ACOXL: variants seen among roughly 807,000 people sequenced by gnomAD.
ACOXL encodes the protein acyl-CoA oxidase like.
A neutral mutation model predicts 71.9 loss-of-function variants in ACOXL; 70 were observed. The ratio of observed to expected loss-of-function variants is 0.97; its 90% CI spans 0.80 to 1.19. ACOXL has a LOEUF of 1.19. ACOXL is among the 50% of genes most tolerant of loss of function. The pLI, the probability that ACOXL is intolerant of heterozygous loss-of-function variation, is 0.00. For synonymous variants in ACOXL, 253 were observed against 281.6 expected, an observed-to-expected ratio of 0.90 and a Z score of 1.02; for missense variants, 703 against 736.3, an observed-to-expected ratio of 0.95 and a Z score of 0.52.
chr2:110,865,166 G>A (rs898734853), intron 10 of ACOXL, among the ~76,000 whole-genome samples: 2 of 152,174 alleles, frequency 1.3e-5, no homozygotes, highest in Admixed American at 1.3e-4. Flanking sequence ...TATCAATATC[G>A]AAAAGCCTAA....
Position 111,006,815 on chromosome 2 carries a change from T to TC in ACOXL, c.1281+10814dup, listed in dbSNP as rs796180162. 1.2e-4 allele frequency among the ~76,000 whole-genome samples: 18 copies of TC among 152,254 alleles called. 1 individual carries two copies. The highest frequency in any genetic ancestry group is 4.3e-4 in the African/African-American group (18 of 41,556). ...TTCAAGTGATCTGCCCTCCTCAGCC[T>TC]CCCAAAGTGCTGGGATTACAGGCAT... is the stretch of plus-strand genomic sequence containing the variant. On this transcript the variant is annotated intron_variant, in intron 14 of 17. Coordinates refer to ENST00000439055, the MANE Select transcript of ACOXL (RefSeq NM_001142807.4).
chr2:110,933,635 G>A lies in ACOXL; in HGVS notation c.1052G>A (p.Gly351Glu). 2 of 1,610,452 alleles carry A rather than the reference G, an allele frequency of 1.2e-6. No homozygotes were observed. The highest frequency in any genetic ancestry group is 1.7e-6 in the Non-Finnish European group (2 of 1,178,744). ...RCLQDCRECT[G>E]GMVVGRELLA... ...CTGCAGGACTGCCGCGAGTGCACTG[G>A]AGGCATGGTGAGCCCCAAGGCCTGC... The change falls in exon 12 of 18, where the codon GGA becomes GAA. Residue 351 changes from glycine to glutamate, a missense_variant. Gly to Glu is a moderately conservative substitution (Grantham distance 98). Transcript: ENST00000439055.
At chr2:111,058,331 C>A (rs1159374231) in intron 16 of ACOXL, among the ~76,000 whole-genome samples, 1 of 152,122 alleles carries the variant, frequency 6.6e-6, no homozygotes, top group Non-Finnish European at 1.5e-5. Context: ...AGATATGGAT[C>A]CAGACTAGCA....
At chr2:110,915,779 G>C (rs144987807) in intron 11 of ACOXL, among the ~76,000 whole-genome samples, 1 of 151,818 alleles carries the variant, frequency 6.6e-6, no homozygotes, top group East Asian at 1.9e-4. Flanking sequence ...GTTTTGATAA[G>C]GATTTTTTGT....
intron 14 of ACOXL, among the ~76,000 whole-genome samples, chr2:111,008,241 A>G (rs535641651): frequency 1.3e-5 from 2 of 152,170 alleles, no homozygotes; most frequent in Non-Finnish European, 2.9e-5. Flanking sequence ...GGTTGCTTTT[A>G]GTTAATCATT....
chr2:110,840,655 C>T (rs1212138597), intron 9 of ACOXL, among the ~76,000 whole-genome samples: 5 of 152,182 alleles, frequency 3.3e-5, no homozygotes, highest in African/African-American at 1.2e-4. Context: ...TTGACCCCCA[C>T]TTATGCCTGA....
intron 15 of ACOXL, among the ~76,000 whole-genome samples, chr2:111,043,825 A>G (rs967895): frequency 0.67 from 101,827 of 152,134 alleles, 34,551 homozygotes; most frequent in African/African-American, 0.78. Context: ...TTTCTGCCAC[A>G]ACTAAGAGGA....
intron 10 of ACOXL, among the ~76,000 whole-genome samples, chr2:110,866,773 C>T (rs960192161): frequency 3.9e-5 from 6 of 152,160 alleles, no homozygotes; most frequent in South Asian, 2.1e-4. Context: ...GCTCACCCAC[C>T]GCCCCATCTC....
At chr2:111,003,581 A>AAAAAAG (rs1558855365) in intron 14 of ACOXL, among the ~76,000 whole-genome samples, 10 of 147,290 alleles carry the variant, frequency 6.8e-5, no homozygotes, top group African/African-American at 2.6e-4. Context: ...AAAAAAAAAG[A>AAAAAAG]ATCACAGAAC....
At chr2:111,093,416 C>G in intron 17 of ACOXL, 1 of 1,608,114 alleles carries the variant, frequency 6.2e-7, no homozygotes, top group South Asian at 1.1e-5. Flanking sequence ...GAAAATGCTA[C>G]TGCAAAGAAA....
At chr2:110,855,652 C>A (rs903718042) in intron 10 of ACOXL, among the ~76,000 whole-genome samples, 7 of 152,162 alleles carry the variant, frequency 4.6e-5, no homozygotes, top group Non-Finnish European at 8.8e-5. Context: ...CAATTTTGTT[C>A]TGAAAATATT....
At chr2:110,839,292 C>A (rs1690847182) in intron 9 of ACOXL, among the ~76,000 whole-genome samples, 1 of 152,190 alleles carries the variant, frequency 6.6e-6, no homozygotes, top group Non-Finnish European at 1.5e-5. Context: ...TCACTGTAAG[C>A]CAGAACGTTT....
chr2:111,114,289 G>C (rs1483287422), intron 17 of ACOXL: 1 of 152,620 alleles, frequency 6.6e-6, no homozygotes, highest in Non-Finnish European at 1.5e-5. Context: ...CAGCAGGCTA[G>C]ACTGGGCTTC....
chr2:110,819,398 G>A (rs964998988), intron 9 of ACOXL, among the ~76,000 whole-genome samples: 6 of 152,168 alleles, frequency 3.9e-5, no homozygotes, highest in African/African-American at 1.4e-4. Context: ...GGAAGTGTGG[G>A]TTTGCTGAGG....
intron 10 of ACOXL, among the ~76,000 whole-genome samples, chr2:110,890,778 G>T (rs1011102768): frequency 6.6e-6 from 1 of 151,708 alleles, no homozygotes; most frequent in Non-Finnish European, 1.5e-5. Flanking sequence ...TTTCAAGATT[G>T]CTCTGGCTCT....
At chr2:111,109,511 G>A (rs1300740642) in intron 17 of ACOXL, among the ~76,000 whole-genome samples, 1 of 150,910 alleles carries the variant, frequency 6.6e-6, no homozygotes. Context: ...ATTGATTTTT[G>A]TTCCGCAATA....
At chr2:110,774,267 A>G (rs2105057686) in intron 2 of ACOXL, among the ~76,000 whole-genome samples, 1 of 152,108 alleles carries the variant, frequency 6.6e-6, no homozygotes, top group East Asian at 1.9e-4. Context: ...TGGAGCTTAC[A>G]TTTTTGTCTG....
chr2:110,910,702 G>A lies in ACOXL; in HGVS notation c.905+1797G>A, dbSNP rs543672854. Among the ~76,000 whole-genome samples, 3 of 152,120 alleles carry A rather than the reference G, an allele frequency of 2.0e-5. No homozygotes were observed. The South Asian group carries it at 6.2e-4, about 32-fold the overall frequency. On this transcript the variant is annotated intron_variant, in intron 11 of 17. Transcript: ENST00000439055. ...AATTTACACTTATCTGGTGGCTGTC[G>A]ACATTGAGTACTTTTTCATGTGCAC...
intron 1 of ACOXL, among the ~76,000 whole-genome samples, chr2:110,741,464 A>G (rs142818182): frequency 3.5e-4 from 54 of 152,216 alleles, no homozygotes; most frequent in African/African-American, 1.2e-3. Flanking sequence ...TCAATATCTG[A>G]ATTTTTAGGG....
Sources: allele counts gnomAD v4.1 joint callset (sites outside exome capture counted in the v4.1 genomes callset), GRCh38; gene constraint gnomAD v4.1.1; transcripts MANE v1.5; gene names NCBI Gene and HGNC (gene_info 2026-07-23, HGNC 2026-07-21).